ZNF136: variants seen among roughly 807,000 people sequenced by gnomAD.
ZNF136 encodes zinc finger protein 136 (clone pHZ-20).
Under a neutral mutation model 11.4 loss-of-function variants are expected in ZNF136, and 8 were observed. The observed-to-expected ratio is 0.70, with a 90% CI of 0.41 to 1.27. ZNF136 has a LOEUF of 1.27. Among genes scored for constraint, ZNF136 ranks in the 50% most tolerant of loss-of-function variants. ZNF136 has a pLI of 0.01. For synonymous variants in ZNF136, 190 were observed against 207.1 expected, an observed-to-expected ratio of 0.92 and a Z score of 0.71; for missense variants, 590 against 656.5, an observed-to-expected ratio of 0.90 and a Z score of 1.11.
Position 12,177,273 on chromosome 19 carries a change from T to C in ZNF136, c.4-8512T>C, listed in dbSNP as rs78036579. Among the ~76,000 whole-genome samples, 988 of 152,368 alleles carry C rather than the reference T, an allele frequency of 6.5e-3. 16 individuals are homozygous for C. Among genetic ancestry groups the C allele is most frequent in the African/African-American group, 0.023 (942 of 41,602 alleles). On this transcript the variant is annotated intron_variant, in intron 1 of 3. Transcript: ENST00000343979. ...GTTTTTGATACTGATTCTATTAATA[T>C]TGTGATTTTCAAATGTGAAAACAGT...
At chr19:12,184,359 G>C (rs1233942191) in intron 1 of ZNF136, among the ~76,000 whole-genome samples, 1 of 152,070 alleles carries the variant, frequency 6.6e-6, no homozygotes, top group Non-Finnish European at 1.5e-5. Context: ...AGGAGATTGA[G>C]ACCATCCTGG....
At chr19:12,176,516 G>A (rs1914798177) in intron 1 of ZNF136, among the ~76,000 whole-genome samples, 1 of 151,866 alleles carries the variant, frequency 6.6e-6, no homozygotes, top group Non-Finnish European at 1.5e-5. Flanking sequence ...TAGTAGAGAT[G>A]GGTTTTCACC....
At chr19:12,181,020 C>A (rs938815541) in intron 1 of ZNF136, among the ~76,000 whole-genome samples, 3 of 152,214 alleles carry the variant, frequency 2.0e-5, no homozygotes, top group Non-Finnish European at 4.4e-5. Flanking sequence ...GCCTCAGAGC[C>A]CTGTCTGCCC....
chr19:12,185,765 A>ATGTGGATGTCTCACC lies in ZNF136; in HGVS notation c.4-20_4-19insTGTGGATGTCTCACC. The stretch of plus-strand genomic sequence containing the variant: ...GTCTGTCTCACCCATTCTCCTCTCC[A>ATGTGGATGTCTCACC]CATATGTGGGATGTTTCAGGACTCG... On this transcript the variant is annotated intron_variant, in intron 1 of 3. Coordinates refer to ENST00000343979, the MANE Select transcript of ZNF136 (RefSeq NM_003437.5). 6.2e-7 allele frequency: 1 copy of ATGTGGATGTCTCACC among 1,610,394 alleles called. No individual in the cohort carries two copies. The highest frequency in any genetic ancestry group is 8.5e-7 in the Non-Finnish European group (1 of 1,179,034).
intron 1 of ZNF136, among the ~76,000 whole-genome samples, chr19:12,181,239 G>A (rs1914932056): frequency 6.6e-6 from 1 of 152,194 alleles, no homozygotes; most frequent in South Asian, 2.1e-4. Context: ...GGTCCGACAT[G>A]GCTGGAGGGG....
intron 1 of ZNF136, among the ~76,000 whole-genome samples, chr19:12,183,812 A>C (rs1915010998): frequency 6.6e-6 from 1 of 152,120 alleles, no homozygotes; most frequent in Admixed American, 6.5e-5. Context: ...GTGTTGCCTA[A>C]ACTGATGTTG....
chr19:12,187,315 TGTGGG>T lies in ZNF136; in HGVS notation c.938_942del (p.Cys313Ter). ...AGAGAAACCTTATGAATGCAAGCAG[TGTGGG>T]AAGGCCTTCAGTTATCTCCCCTCCC... is the stretch of plus-strand genomic sequence containing the variant. On this transcript the variant is annotated frameshift_variant, in exon 4 of 4. Coordinates refer to ENST00000343979, the MANE Select transcript of ZNF136 (RefSeq NM_003437.5). LOFTEE classifies it low-confidence loss of function (END_TRUNC). The T allele has an allele frequency of 1.2e-6, 2 of 1,614,076 alleles. No homozygotes were observed. Among genetic ancestry groups the T allele is most frequent in the Non-Finnish European group, 1.7e-6 (2 of 1,180,012 alleles).
intron 1 of ZNF136, among the ~76,000 whole-genome samples, chr19:12,172,209 A>T (rs1303259323): frequency 2.0e-5 from 3 of 152,068 alleles, no homozygotes; most frequent in African/African-American, 7.2e-5. Context: ...TTGGCCTCCC[A>T]ACATGCTGGG....
At chr19:12,186,264 A>C (rs1160277505) in intron 3 of ZNF136, 90 bp downstream of exon 3, 6 of 1,305,372 alleles carry the variant, frequency 4.6e-6, no homozygotes, top group Admixed American at 2.7e-5. Flanking sequence ...CTGATAAGCC[A>C]AGCTTCAAAT....
rs1360415671 is a variant in ZNF136 at position 12,186,820 on chromosome 19, C to G, written c.442C>G (p.Pro148Ala). Residue 148 changes from proline (P) to alanine (A), a missense_variant, in exon 4 of 4, where the codon CCC (proline) becomes GCC (alanine). Physicochemically the swap from Pro to Ala is conservative, Grantham distance 27. Transcript: ENST00000343979. ...AGATACACGTAACCAGTGTTGGAAA[C>G]CCTTCAGTTCTCACCACTCCTTTCG... ...KPDTRNQCWKPFSSHHSFRTH... is the reference protein window; with the variant it reads ...KPDTRNQCWKAFSSHHSFRTH... The G allele has an allele frequency of 4.3e-6, 7 of 1,613,994 alleles. No homozygotes were observed. In the Admixed American group the frequency reaches 1.2e-4, roughly 27 times the overall value.
chr19:12,169,925 G>T (rs934722210), intron 1 of ZNF136, among the ~76,000 whole-genome samples: 2 of 152,044 alleles, frequency 1.3e-5, no homozygotes, highest in East Asian at 3.9e-4. Context: ...CTCCCAAGTA[G>T]CTGGGACTAC....
At position 12,187,027 on chromosome 19, in the gene ZNF136, A is replaced by C; in HGVS notation, c.649A>C (p.Ser217Arg). 6.2e-7 allele frequency: 1 copy of C among 1,614,196 alleles called. No individual in the cohort carries two copies. The highest frequency in any genetic ancestry group is 8.5e-7 in the Non-Finnish European group (1 of 1,180,024). ...CAGTAGATTTCGAACACATGAAAGA[A>C]GTCACACTGGAGAGAAACCCTATGA... is the stretch of plus-strand genomic sequence containing the variant. ...YPSRFRTHER[S>R]HTGEKPYECQ... is the part of the protein sequence containing the mutation. The change falls in exon 4 of 4, where the codon AGT becomes CGT. Residue 217 changes from serine (S) to arginine (R), a missense_variant. Transcript: ENST00000343979.
intron 1 of ZNF136, among the ~76,000 whole-genome samples, chr19:12,179,222 TA>T (rs1222412375): frequency 6.6e-6 from 1 of 150,700 alleles, no homozygotes; most frequent in African/African-American, 2.4e-5. Context: ...AAAGAAGGTA[TA>T]AAAAAAAGTC....
chr19:12,172,456 C>T (rs966821306), intron 1 of ZNF136, among the ~76,000 whole-genome samples: 1 of 152,150 alleles, frequency 6.6e-6, no homozygotes, highest in African/African-American at 2.4e-5. Flanking sequence ...TCTCACAGCA[C>T]ACTTGTTTAT....
intron 1 of ZNF136, among the ~76,000 whole-genome samples, chr19:12,168,057 CTTTTTTTTTTTTTTTTT>C (rs386388563): frequency 1.4e-5 from 1 of 71,102 alleles, no homozygotes; most frequent in Non-Finnish European, 2.4e-5. Context: ...TTTTCTTTTT[CTTTTTTTTTTTTTTTTT>C]TTTTTTTTTT....
intron 1 of ZNF136, among the ~76,000 whole-genome samples, chr19:12,171,144 T>C (rs1377913153): frequency 1.3e-5 from 2 of 151,870 alleles, no homozygotes; most frequent in African/African-American, 4.8e-5. Flanking sequence ...CCCACCCAGC[T>C]AATTTTTTTT....
chr19:12,168,087 T>G (rs1245076944), intron 1 of ZNF136, among the ~76,000 whole-genome samples: 2 of 137,540 alleles, frequency 1.5e-5, no homozygotes, highest in African/African-American at 2.8e-5. Flanking sequence ...TTTTTTTTTT[T>G]GTGAGACGGA....
intron 1 of ZNF136, chr19:12,164,741 A>C (rs1441841551): frequency 6.6e-6 from 1 of 152,194 alleles, no homozygotes; most frequent in East Asian, 1.9e-4. Flanking sequence ...CCCGGCCTCA[A>C]AAAAATAATT....
At chr19:12,181,512 G>A (rs562228619) in intron 1 of ZNF136, among the ~76,000 whole-genome samples, 6 of 148,982 alleles carry the variant, frequency 4.0e-5, no homozygotes, top group Middle Eastern at 3.4e-3. Context: ...TCATTCTGTC[G>A]CCGAGGCTGG....
Sources: gnomAD v4.1 joint callset for allele counts (sites outside exome capture counted in the v4.1 genomes callset) on GRCh38, gnomAD v4.1.1 for gene constraint, MANE v1.5 for transcripts, NCBI Gene and HGNC (gene_info 2026-07-23, HGNC 2026-07-21) for gene names.